Variants in RBFOX1 observed in about 807,000 individuals in gnomAD.
RBFOX1 encodes RNA binding protein fox-1 homolog 1.
In RBFOX1, 8 loss-of-function variants were observed where a neutral mutation model predicts 57.7. The ratio of observed to expected loss-of-function variants is 0.14; its 90% CI spans 0.08 to 0.25. The LOEUF (loss-of-function observed/expected upper bound fraction) is 0.25, where lower values mean the gene tolerates loss of function less well. Among genes scored for constraint, RBFOX1 ranks in the 10% least tolerant of loss-of-function variants. The probability of loss-of-function intolerance (pLI) is 1.00; values close to 1 mark genes in which losing one functional copy is unlikely to be tolerated. For missense variants in RBFOX1, 611 were observed against 548.5 expected, an observed-to-expected ratio of 1.11 and a Z score of -1.14; for synonymous variants, 326 against 222.4, an observed-to-expected ratio of 1.47 and a Z score of -4.15.
intron 1 of RBFOX1, among the ~76,000 whole-genome samples, chr16:5,448,841 A>G (rs980882930): frequency 2.0e-5 from 3 of 152,164 alleles, no homozygotes; most frequent in Admixed American, 2.0e-4. Flanking sequence ...AAAGCAGATA[A>G]AGATCTCTGT....
chr16:7,147,363 G>A (rs371185174), intron 4 of RBFOX1, among the ~76,000 whole-genome samples: 1 of 149,116 alleles, frequency 6.7e-6, no homozygotes, highest in East Asian at 2.0e-4. Flanking sequence ...CTGCAGGTCT[G>A]TTACACAGGT....
At chr16:6,807,910 GTGTGTA>G (rs1185098462) in intron 3 of RBFOX1, among the ~76,000 whole-genome samples, 4 of 146,582 alleles carry the variant, frequency 2.7e-5, no homozygotes, top group Admixed American at 6.8e-5. Context: ...GTGTGTGTGT[GTGTGTA>G]TATATATATA....
At chr16:6,112,217 G>A (rs1264462870) in intron 1 of RBFOX1, among the ~76,000 whole-genome samples, 1 of 152,126 alleles carries the variant, frequency 6.6e-6, no homozygotes, top group Non-Finnish European at 1.5e-5. Context: ...TCTGCTATAA[G>A]GGTTATAGGA....
At chr16:6,188,038 G>C (rs1316017194) in intron 1 of RBFOX1, among the ~76,000 whole-genome samples, 3 of 152,142 alleles carry the variant, frequency 2.0e-5, no homozygotes, top group African/African-American at 7.2e-5. Context: ...TCATCCCTCA[G>C]TGTCCACGAA....
intron 3 of RBFOX1, among the ~76,000 whole-genome samples, chr16:6,730,100 C>T (rs573140780): frequency 5.9e-5 from 9 of 152,222 alleles, no homozygotes; most frequent in South Asian, 2.1e-4. Flanking sequence ...GACATCTCTC[C>T]ACCTTGGCAA....
At chr16:6,835,297 G>A (rs959206337) in intron 3 of RBFOX1, among the ~76,000 whole-genome samples, 2 of 152,098 alleles carry the variant, frequency 1.3e-5, no homozygotes, top group Non-Finnish European at 2.9e-5. Flanking sequence ...CTGCATCTTT[G>A]TGAGTTTCAG....
chr16:5,790,909 C>T (rs2054672029), intron 3 of RBFOX1, among the ~76,000 whole-genome samples: 1 of 145,626 alleles, frequency 6.9e-6, no homozygotes, highest in Admixed American at 7.0e-5. Flanking sequence ...CACTCTGTTG[C>T]TCAGGCTGGA....
chr16:5,820,470 A>C (rs919670076), intron 3 of RBFOX1, among the ~76,000 whole-genome samples: 4 of 152,098 alleles, frequency 2.6e-5, no homozygotes, highest in African/African-American at 9.7e-5. Flanking sequence ...CATTAGCAGC[A>C]CCAGAGCTGC....
chr16:6,915,535 C>T (rs969608204), intron 3 of RBFOX1, among the ~76,000 whole-genome samples: 4 of 139,232 alleles, frequency 2.9e-5, no homozygotes, highest in Admixed American at 8.1e-5. Context: ...TCTAAGTCCT[C>T]ACCCCCACAC....
intron 3 of RBFOX1, among the ~76,000 whole-genome samples, chr16:6,821,015 A>G (rs747419694): frequency 1.3e-5 from 2 of 152,232 alleles, no homozygotes. Flanking sequence ...TAGGGTTATT[A>G]TCACTTAATT....
chr16:5,294,293 A>G (rs1382446716), intron 1 of RBFOX1, among the ~76,000 whole-genome samples: 1 of 152,128 alleles, frequency 6.6e-6, no homozygotes, highest in African/African-American at 2.4e-5. Flanking sequence ...TTTCATCCCC[A>G]AGAGATTCTG....
intron 1 of RBFOX1, among the ~76,000 whole-genome samples, chr16:6,168,371 G>T (rs2096933281): frequency 6.6e-6 from 1 of 152,132 alleles, no homozygotes; most frequent in Admixed American, 6.6e-5. Context: ...AGTATGAACA[G>T]CTTAAGGAGA....
At position 6,136,085 on chromosome 16, in the gene RBFOX1, G is replaced by T. The variant is rs555452821; in HGVS notation, c.-127+116093G>T. Among the ~76,000 whole-genome samples, 81 of 152,204 alleles carry T rather than the reference G, an allele frequency of 5.3e-4. No homozygotes were observed. In the South Asian group the frequency reaches 0.017, roughly 31 times the overall value. On this transcript the variant is annotated intron_variant, in intron 1 of 15. Transcript: ENST00000550418. Reference sequence around the variant, plus strand: ...GCTGGGATTACAGGCTTGAGCCTCTGTGCCTGGCCTGTTTTGACCTTTTTG... The same window carrying T: ...GCTGGGATTACAGGCTTGAGCCTCTTTGCCTGGCCTGTTTTGACCTTTTTG...
rs182785303 is a variant in RBFOX1 at position 7,521,066 on chromosome 16, A to G, written c.270+2677A>G. ...AGGAAAATATGGGTACCGTAGGAAA[A>G]TTAAAAAAGAACAGAGGTGCTACCT... On this transcript the variant is annotated intron_variant, in intron 5 of 15. Transcript: ENST00000550418. 6.1e-5 allele frequency among the ~76,000 whole-genome samples: 9 copies of G among 148,566 alleles called. No individual in the cohort carries two copies. In the South Asian group the frequency reaches 1.6e-3, roughly 26 times the overall value.
At chr16:6,100,683 C>T (rs192199147) in intron 1 of RBFOX1, among the ~76,000 whole-genome samples, 2 of 152,288 alleles carry the variant, frequency 1.3e-5, no homozygotes, top group Admixed American at 1.3e-4. Flanking sequence ...ATTACAGCAA[C>T]ACCTTAATAT....
At chr16:7,002,599 C>G (rs941413320) in intron 3 of RBFOX1, among the ~76,000 whole-genome samples, 2 of 152,170 alleles carry the variant, frequency 1.3e-5, no homozygotes, top group African/African-American at 2.4e-5. Flanking sequence ...GTCATCCCAG[C>G]CACTCGGGAG....
intron 13 of RBFOX1, among the ~76,000 whole-genome samples, chr16:7,674,019 G>A (rs183103199): frequency 9.7e-4 from 148 of 152,280 alleles, no homozygotes; most frequent in African/African-American, 2.7e-3. Flanking sequence ...AATACAGAGC[G>A]ATAAAATTGA....
intron 2 of RBFOX1, among the ~76,000 whole-genome samples, chr16:6,498,518 T>C (rs1295750893): frequency 6.6e-6 from 1 of 152,170 alleles, no homozygotes; most frequent in Non-Finnish European, 1.5e-5. Flanking sequence ...CAGGCCCTTT[T>C]AGACCCATAG....
intron 3 of RBFOX1, among the ~76,000 whole-genome samples, chr16:6,978,336 A>AT: frequency 6.6e-6 from 1 of 152,190 alleles, no homozygotes; most frequent in Non-Finnish European, 1.5e-5. Context: ...CCGGTGCTCT[A>AT]TTTTGGGCTG....
Sources: gnomAD v4.1 joint callset for allele counts (sites outside exome capture counted in the v4.1 genomes callset) on GRCh38, gnomAD v4.1.1 for gene constraint, MANE v1.5 for transcripts, NCBI Gene and HGNC (gene_info 2026-07-23, HGNC 2026-07-21) for gene names.